The following MACROD2 variants were observed in gnomAD, a reference collection of about 807,000 sequenced individuals.
MACROD2 encodes the protein mono-ADP ribosylhydrolase 2, also known as ADP-ribose glycohydrolase MACROD2.
Under a neutral mutation model 70.4 loss-of-function variants are expected in MACROD2, and 36 were observed. The ratio of observed to expected loss-of-function variants is 0.51; its 90% CI spans 0.39 to 0.68. The LOEUF (loss-of-function observed/expected upper bound fraction) is 0.68, where lower values mean the gene tolerates loss of function less well. MACROD2 is among the 30% of genes least tolerant of loss of function. The pLI, the probability that MACROD2 is intolerant of heterozygous loss-of-function variation, is 0.00. For missense variants in MACROD2, 496 were observed against 538.4 expected, an observed-to-expected ratio of 0.92 and a Z score of 0.78; for synonymous variants, 172 against 178.8, an observed-to-expected ratio of 0.96 and a Z score of 0.30.
chr20:15,051,355 TGTGTGTGTGTGTGTGTG>T (rs2075439231), intron 5 of MACROD2, among the ~76,000 whole-genome samples: 1 of 41,930 alleles, frequency 2.4e-5, no homozygotes, highest in African/African-American at 1.1e-4. Flanking sequence ...TGTGTGTGTG[TGTGTGTGTGTGTGTGTG>T]TGTGTGTGTG....
At chr20:15,186,846 T>TTCCTAACTGC (rs2076538045) in intron 5 of MACROD2, among the ~76,000 whole-genome samples, 1 of 152,208 alleles carries the variant, frequency 6.6e-6, no homozygotes, top group Non-Finnish European at 1.5e-5. Flanking sequence ...CTCATTTGTG[T>TTCCTAACTGC]TCCTAACTGC....
At chr20:15,236,189 C>T (rs571586042) in intron 6 of MACROD2, among the ~76,000 whole-genome samples, 14 of 152,200 alleles carry the variant, frequency 9.2e-5, no homozygotes, top group Non-Finnish European at 2.1e-4. Flanking sequence ...CAAGACTTTT[C>T]CTTTCTTCTT....
intron 6 of MACROD2, among the ~76,000 whole-genome samples, chr20:15,349,568 A>G (rs2078204269): frequency 6.6e-6 from 1 of 152,058 alleles, no homozygotes; most frequent in South Asian, 2.1e-4. Flanking sequence ...CACCCTGACC[A>G]ACATGGTGAA....
chr20:14,239,829 A>T (rs2081913355), intron 3 of MACROD2, among the ~76,000 whole-genome samples: 1 of 152,202 alleles, frequency 6.6e-6, no homozygotes, highest in Admixed American at 6.5e-5. Flanking sequence ...AAATTGACAA[A>T]TGGGACCTAA....
At chr20:15,585,437 C>T (rs2048585669) in intron 8 of MACROD2, among the ~76,000 whole-genome samples, 1 of 152,062 alleles carries the variant, frequency 6.6e-6, no homozygotes, top group Non-Finnish European at 1.5e-5. Context: ...ACCTCGTGAT[C>T]CACCCACCTC....
chr20:14,496,860 G>A (rs935205723), intron 4 of MACROD2, among the ~76,000 whole-genome samples: 19 of 151,598 alleles, frequency 1.3e-4, no homozygotes, highest in East Asian at 3.8e-4. Context: ...TTGAAGTTCC[G>A]TTAATTTTTT....
chr20:15,125,141 T>A (rs899540827), intron 5 of MACROD2, among the ~76,000 whole-genome samples: 1 of 152,110 alleles, frequency 6.6e-6, no homozygotes, highest in Non-Finnish European at 1.5e-5. Context: ...AATAGTTGTG[T>A]ATAAACTTAT....
chr20:15,409,541 C>T (rs951798458), intron 6 of MACROD2, among the ~76,000 whole-genome samples: 4 of 152,212 alleles, frequency 2.6e-5, no homozygotes, highest in African/African-American at 7.2e-5. Flanking sequence ...AGCATACTTA[C>T]CTCATTTGAG....
chr20:14,083,024 G>A (rs2054019633), intron 2 of MACROD2, among the ~76,000 whole-genome samples: 1 of 148,836 alleles, frequency 6.7e-6, no homozygotes, highest in Non-Finnish European at 1.5e-5. Context: ...TAATAAATAT[G>A]ATATTTTATT....
rs1486380637 is a variant in MACROD2 at position 15,356,148 on chromosome 20, G to A, written c.541-75257G>A. ...TAGCCCAGATATCAGGAGTCACTGG[G>A]TTCAAACCTTATCTTCATCATTTGT... is the stretch of plus-strand genomic sequence containing the variant. On this transcript the variant is annotated intron_variant, in intron 6 of 17. Transcript: ENST00000684519. Among the ~76,000 whole-genome samples, 3 of 151,998 alleles carry A rather than the reference G, an allele frequency of 2.0e-5. No individual in the cohort carries two copies. In the East Asian group the frequency reaches 5.8e-4, roughly 29 times the overall value.
At chr20:14,498,303 A>G (rs2084877247) in intron 4 of MACROD2, among the ~76,000 whole-genome samples, 2 of 148,774 alleles carry the variant, frequency 1.3e-5, no homozygotes, top group Non-Finnish European at 2.9e-5. Context: ...AAAAAAAAGA[A>G]AAAAAGAAGA....
At chr20:15,530,645 T>C (rs1426995630) in intron 8 of MACROD2, among the ~76,000 whole-genome samples, 2 of 142,776 alleles carry the variant, frequency 1.4e-5, no homozygotes, top group South Asian at 4.4e-4. Context: ...GGCAGGAGAA[T>C]GGCATGAACC....
intron 3 of MACROD2, among the ~76,000 whole-genome samples, chr20:14,187,083 G>A (rs367652923): frequency 8.0e-5 from 12 of 149,650 alleles, no homozygotes; most frequent in African/African-American, 2.7e-4. Flanking sequence ...ACAAACCTGC[G>A]CGTGTACCCC....
At chr20:16,038,813 T>C (rs1376850750) in intron 15 of MACROD2, among the ~76,000 whole-genome samples, 2 of 151,984 alleles carry the variant, frequency 1.3e-5, no homozygotes, top group African/African-American at 4.8e-5. Context: ...TAGAGATAAC[T>C]TGAGGCTTTT....
In MACROD2 at chr20:14,458,526, G is replaced by C. The variant is rs150318693; in HGVS notation, c.272-34953G>C. ...TGGTTGATGTTTTCTGTGGCCATCT[G>C]TGGCAGTCAGAAAGCAGTTATTTTG... On this transcript the variant is annotated intron_variant, in intron 3 of 17. Transcript: ENST00000684519. Among the ~76,000 whole-genome samples, 3 of 152,238 alleles carry C rather than the reference G, an allele frequency of 2.0e-5. No individual in the cohort carries two copies. In the East Asian group the frequency reaches 5.8e-4, roughly 29 times the overall value.
At chr20:14,167,102 A>G (rs935264438) in intron 3 of MACROD2, among the ~76,000 whole-genome samples, 11 of 151,724 alleles carry the variant, frequency 7.3e-5, no homozygotes, top group Non-Finnish European at 1.5e-4. Flanking sequence ...TTTTTTTCTC[A>G]TGTCCCTTTT....
chr20:15,348,094 A>G (rs6079773), intron 6 of MACROD2, among the ~76,000 whole-genome samples: 13,617 of 152,194 alleles, frequency 0.089, 770 homozygotes, highest in Non-Finnish European at 0.13. Flanking sequence ...GTTCTGGCCA[A>G]TTACATGTGG....
chr20:15,469,044 C>G (rs2146430496), intron 7 of MACROD2, among the ~76,000 whole-genome samples: 1 of 152,280 alleles, frequency 6.6e-6, no homozygotes, highest in East Asian at 1.9e-4. Flanking sequence ...TATTTAGGAG[C>G]TCATGTAGTG....
intron 2 of MACROD2, among the ~76,000 whole-genome samples, chr20:14,082,221 C>T (rs185642202): frequency 2.1e-5 from 3 of 142,760 alleles, no homozygotes; most frequent in African/African-American, 5.3e-5. Flanking sequence ...ATCTGTCGCC[C>T]AGGCTGGAGT....
Sources: gnomAD v4.1 joint callset for allele counts (sites outside exome capture counted in the v4.1 genomes callset) on GRCh38, gnomAD v4.1.1 for gene constraint, MANE v1.5 for transcripts, NCBI Gene and HGNC (gene_info 2026-07-23, HGNC 2026-07-21) for gene names.